IPCEF1: variants seen among roughly 807,000 people sequenced by gnomAD.
The protein encoded by IPCEF1 is interaction protein for cytohesin exchange factors 1.
In IPCEF1, 31 loss-of-function variants were observed where a neutral mutation model predicts 50.9. The observed-to-expected ratio is 0.61, with a 90% CI of 0.46 to 0.82. IPCEF1 has a LOEUF of 0.82. Among genes scored for constraint, IPCEF1 ranks in the 40% least tolerant of loss-of-function variants. IPCEF1 has a pLI of 0.00. For missense variants in IPCEF1, 458 were observed against 514.0 expected, an observed-to-expected ratio of 0.89 and a Z score of 1.05; for synonymous variants, 181 against 192.0, an observed-to-expected ratio of 0.94 and a Z score of 0.47.
At chr6:154,188,230 G>A (rs1468069523) in intron 10 of IPCEF1, among the ~76,000 whole-genome samples, 1 of 152,066 alleles carries the variant, frequency 6.6e-6, no homozygotes. Context: ...AAATGAAAAA[G>A]AGAAAAATCG....
chr6:154,348,919 C>A (rs778965531), intron 1 of IPCEF1, among the ~76,000 whole-genome samples: 6 of 152,138 alleles, frequency 3.9e-5, no homozygotes, highest in Non-Finnish European at 5.9e-5. Context: ...GTAGTCTGAG[C>A]TATTCAAACA....
intron 1 of IPCEF1, among the ~76,000 whole-genome samples, chr6:154,305,681 G>A (rs1418551212): frequency 1.3e-5 from 2 of 152,172 alleles, no homozygotes; most frequent in Non-Finnish European, 2.9e-5. Context: ...CAGTGGACTG[G>A]GAGAGGCAGA....
At chr6:154,328,928 A>T (rs1002491662) in intron 1 of IPCEF1, among the ~76,000 whole-genome samples, 1 of 152,232 alleles carries the variant, frequency 6.6e-6, no homozygotes, top group Non-Finnish European at 1.5e-5. Context: ...TGTATGATTG[A>T]TTAATGTCAT....
intron 1 of IPCEF1, among the ~76,000 whole-genome samples, chr6:154,341,992 C>T (rs1464293383): frequency 6.6e-6 from 1 of 152,132 alleles, no homozygotes; most frequent in Non-Finnish European, 1.5e-5. Context: ...AGAGGTTAAG[C>T]ATAGAGGTTG....
chr6:154,330,965 A>G (rs961307768), intron 1 of IPCEF1, among the ~76,000 whole-genome samples: 2 of 152,138 alleles, frequency 1.3e-5, no homozygotes, highest in Non-Finnish European at 2.9e-5. Context: ...TACCCCAGGG[A>G]TGTCAGACAA....
chr6:154,326,360 C>G (rs754154347), intron 1 of IPCEF1, among the ~76,000 whole-genome samples: 1 of 152,164 alleles, frequency 6.6e-6, no homozygotes, highest in Non-Finnish European at 1.5e-5. Flanking sequence ...TGATAAGCAA[C>G]TTCAGCAAAG....
At chr6:154,230,368 G>A (rs1053442459) in intron 5 of IPCEF1, among the ~76,000 whole-genome samples, 6 of 152,130 alleles carry the variant, frequency 3.9e-5, no homozygotes, top group Non-Finnish European at 7.4e-5. Flanking sequence ...CTTTTGCTGT[G>A]AGCCTAAAAC....
chr6:154,255,827 A>G (rs1037232057), intron 3 of IPCEF1, among the ~76,000 whole-genome samples: 2 of 152,174 alleles, frequency 1.3e-5, no homozygotes, highest in African/African-American at 4.8e-5. Context: ...CTATTGCAAG[A>G]AAGGTATTTT....
At chr6:154,287,160 C>CCTCT (rs10563787) in intron 2 of IPCEF1, among the ~76,000 whole-genome samples, 28 of 148,518 alleles carry the variant, frequency 1.9e-4, no homozygotes, top group African/African-American at 3.2e-4. Context: ...CCCTTCTCTC[C>CCTCT]CTCTCTCTCT....
At chr6:154,283,906 T>G (rs928430996) in intron 2 of IPCEF1, among the ~76,000 whole-genome samples, 5 of 152,114 alleles carry the variant, frequency 3.3e-5, no homozygotes, top group African/African-American at 7.2e-5. Context: ...AAACATTGCT[T>G]GGTAAAATAA....
chr6:154,290,277 A>G (rs1448753110), intron 1 of IPCEF1, among the ~76,000 whole-genome samples: 1 of 152,176 alleles, frequency 6.6e-6, no homozygotes, highest in Non-Finnish European at 1.5e-5. Context: ...AAACACACTG[A>G]GCATGCTCCC....
intron 1 of IPCEF1, among the ~76,000 whole-genome samples, chr6:154,341,589 CT>C (rs1783919416): frequency 6.6e-6 from 1 of 152,190 alleles, no homozygotes; most frequent in South Asian, 2.1e-4. Context: ...AGTTCCGGAT[CT>C]TTTAATAGAG....
chr6:154,275,593 G>C (rs1237675218), intron 2 of IPCEF1, among the ~76,000 whole-genome samples: 2 of 152,182 alleles, frequency 1.3e-5, no homozygotes, highest in African/African-American at 4.8e-5. Flanking sequence ...TACATTTTCT[G>C]TCTGCAGAAG....
At position 154,168,137 on chromosome 6, in the gene IPCEF1, C is replaced by G. The variant is rs1415880648; in HGVS notation, c.911-24G>C. 6.7e-7 allele frequency: 1 copy of G among 1,501,166 alleles called. No homozygotes were observed. Among genetic ancestry groups the G allele is most frequent in the Middle Eastern group, 1.8e-4 (1 of 5,624 alleles). The allele number at this position is 1,501,166 out of a possible 1,614,324, so 93.0% of individuals were successfully genotyped here. On this transcript the variant is annotated intron_variant, in intron 10 of 11. Coordinates refer to ENST00000367220, the MANE Select transcript of IPCEF1 (RefSeq NM_001130700.2). This position sits in a 1 kb window ranked among gnomAD's most constrained non-coding sequence, Gnocchi z 4.1. Reference sequence around the variant, plus strand: ...TTCTATTTGAAAAAAAAAAAGAAAGCAGTAACAATAAACCCAGTGAAAAAT... The same window carrying G: ...TTCTATTTGAAAAAAAAAAAGAAAGGAGTAACAATAAACCCAGTGAAAAAT...
chr6:154,299,853 A>C (rs1782748699), intron 1 of IPCEF1, among the ~76,000 whole-genome samples: 2 of 141,354 alleles, frequency 1.4e-5, no homozygotes, highest in Admixed American at 7.3e-5. Context: ...AAATGTTTAA[A>C]AAAAGAAAAG....
intron 1 of IPCEF1, among the ~76,000 whole-genome samples, chr6:154,330,378 A>G (rs1000985077): frequency 2.4e-5 from 3 of 126,510 alleles, no homozygotes; most frequent in Middle Eastern, 4.9e-3. Flanking sequence ...TCTGTCACCC[A>G]GGGTGGAGTG....
chr6:154,175,415 T>C (rs1435788524), intron 10 of IPCEF1, among the ~76,000 whole-genome samples: 2 of 139,540 alleles, frequency 1.4e-5, no homozygotes, highest in South Asian at 4.6e-4. Context: ...ATCAACAAAA[T>C]AGATAGAATG....
intron 1 of IPCEF1, among the ~76,000 whole-genome samples, chr6:154,343,467 ACT>A (rs1445557145): frequency 6.6e-6 from 1 of 151,594 alleles, no homozygotes; most frequent in African/African-American, 2.4e-5. Flanking sequence ...GTGTATGAAA[ACT>A]CTCCCTATCA....
chr6:154,247,432 A>G lies in IPCEF1; in HGVS notation c.76+17T>C. ...GTACACAAAATGGAGATAAAGAAAC[A>G]AAAGAGATCTAATTACCTTGAGTTT... On this transcript the variant is annotated intron_variant, in intron 4 of 11. Transcript: ENST00000367220. 1 of 1,606,646 alleles carries G rather than the reference A, an allele frequency of 6.2e-7. No homozygotes were observed. Among genetic ancestry groups the G allele is most frequent in the Non-Finnish European group, 8.5e-7 (1 of 1,173,892 alleles).
Sources: gnomAD v4.1 joint callset for allele counts (sites outside exome capture counted in the v4.1 genomes callset) on GRCh38, gnomAD v4.1.1 for gene constraint, Gnocchi (gnomAD v3.1) non-coding constraint, MANE v1.5 for transcripts, NCBI Gene and HGNC (gene_info 2026-07-23, HGNC 2026-07-21) for gene names.